Variants in DTNB observed in about 807,000 individuals in gnomAD.
DTNB encodes dystrobrevin beta.
DTNB carries 63 observed loss-of-function variants against 90.7 expected under a neutral mutation model. The observed-to-expected ratio is 0.69, with a 90% confidence interval of 0.57 to 0.86. The LOEUF is 0.86. Among genes scored for constraint, DTNB ranks in the 40% least tolerant of loss-of-function variants. The pLI is 0.00. For missense variants in DTNB, 744 were observed against 807.1 expected (o/e 0.92, Z 0.95); for synonymous variants, 277 against 286.7 (o/e 0.97, Z 0.34).
intron 10 of DTNB, among the ~76,000 whole-genome samples, chr2:25,473,773 A>G (rs569184043): frequency 1.2e-4 from 18 of 152,262 alleles, no homozygotes; most frequent in South Asian, 8.3e-4. Context: ...AGCCAGGGAG[A>G]AATCTGAAAA....
At chr2:25,453,111 C>T (rs989723514) in intron 11 of DTNB, among the ~76,000 whole-genome samples, 3 of 151,964 alleles carry the variant, frequency 2.0e-5, no homozygotes. Flanking sequence ...GATTGGTAGC[C>T]GAAGAAGTGG....
intron 4 of DTNB, among the ~76,000 whole-genome samples, chr2:25,616,931 C>CAAAAAAAAAA (rs70947896): frequency 1.4e-5 from 1 of 70,554 alleles, no homozygotes. Flanking sequence ...GACCCCGTCT[C>CAAAAAAAAAA]AAAAAAAAAA....
At chr2:25,651,067 C>T (rs1033885585) in intron 2 of DTNB, among the ~76,000 whole-genome samples, 2 of 152,012 alleles carry the variant, frequency 1.3e-5, no homozygotes, top group African/African-American at 4.8e-5. Context: ...AAGAAGGGAT[C>T]AGGAAATTAT....
At chr2:25,609,044 A>G (rs2067788621) in intron 4 of DTNB, among the ~76,000 whole-genome samples, 1 of 152,186 alleles carries the variant, frequency 6.6e-6, no homozygotes, top group African/African-American at 2.4e-5. Context: ...CACAAGCAGC[A>G]AGGTCTGTGG....
At chr2:25,428,579 A>G (rs909555566) in intron 14 of DTNB, among the ~76,000 whole-genome samples, 2 of 151,874 alleles carry the variant, frequency 1.3e-5, no homozygotes, top group Admixed American at 6.6e-5. Flanking sequence ...GATTACAGGC[A>G]TCGCCACCAT....
At chr2:25,462,182 T>C (rs1033665484) in intron 10 of DTNB, among the ~76,000 whole-genome samples, 2 of 152,144 alleles carry the variant, frequency 1.3e-5, no homozygotes, top group African/African-American at 4.8e-5. Flanking sequence ...TGCATTCCAG[T>C]GTGAGAACTG....
Position 25,531,524 on chromosome 2 carries a change from T to C in DTNB, c.950A>G (p.His317Arg), listed in dbSNP as rs199811406. ...LGCVPTREPP[H>R]PVFPEQPEKP... is the part of the protein sequence containing the mutation. ...CTCTGGTTGCTCAGGAAAAACAGGA[T>C]GCGGGGGTTCTCTCGTGGGTACACA... Residue 317 changes from histidine (H) to arginine (R), a missense_variant, in exon 9 of 21, where the codon CAT becomes CGT. By Grantham distance (29) the His-to-Arg change is conservative. Transcript: ENST00000406818. 1,094 of 1,613,794 alleles carry C rather than the reference T, an allele frequency of 6.8e-4. 1 individual carries two copies. Among genetic ancestry groups the C allele is most frequent in the Admixed American group, 1.1e-3 (66 of 59,994 alleles).
intron 16 of DTNB, 189 bp from the exon 17 acceptor site, chr2:25,388,550 G>T (rs1377785457): frequency 8.2e-6 from 6 of 729,350 alleles, no homozygotes; most frequent in Non-Finnish European, 1.3e-5. Context: ...AAAAAAGGAA[G>T]GGGGCGTGCA....
chr2:25,508,855 C>T (rs1477939147), intron 9 of DTNB, among the ~76,000 whole-genome samples: 1 of 152,154 alleles, frequency 6.6e-6, no homozygotes, highest in Non-Finnish European at 1.5e-5. Flanking sequence ...TTCAGCAATA[C>T]TTTGTAGTAT....
intron 1 of DTNB, among the ~76,000 whole-genome samples, chr2:25,664,632 C>T (rs1377943375): frequency 2.0e-5 from 3 of 152,186 alleles, no homozygotes; most frequent in Admixed American, 6.5e-5. Flanking sequence ...TCTTGTAACA[C>T]CCTGCCTAGA....
intron 9 of DTNB, among the ~76,000 whole-genome samples, 163 bp from the exon 10 acceptor site, chr2:25,483,036 G>C (rs955833852): frequency 6.6e-6 from 1 of 151,658 alleles, no homozygotes; most frequent in African/African-American, 2.4e-5. Context: ...GAGGCCCATG[G>C]GGAGGTGGGG....
At chr2:25,380,273 T>A (rs1302474228) in intron 19 of DTNB, among the ~76,000 whole-genome samples, 2 of 152,200 alleles carry the variant, frequency 1.3e-5, no homozygotes, top group South Asian at 4.1e-4. Flanking sequence ...CAGTTACAGA[T>A]CTCTGGTGTC....
At chr2:25,601,379 C>T (rs571885589) in intron 5 of DTNB, among the ~76,000 whole-genome samples, 17 of 152,126 alleles carry the variant, frequency 1.1e-4, no homozygotes, top group African/African-American at 3.9e-4. Context: ...AAAAAGGAAG[C>T]TTTCTCCCTT....
intron 16 of DTNB, among the ~76,000 whole-genome samples, chr2:25,416,681 A>C (rs898587953): frequency 2.6e-5 from 4 of 152,002 alleles, no homozygotes; most frequent in Non-Finnish European, 4.4e-5. Flanking sequence ...AAAGAAAAAA[A>C]TTTTCCCTAC....
intron 4 of DTNB, among the ~76,000 whole-genome samples, chr2:25,622,481 T>C (rs1173688740): frequency 6.6e-6 from 1 of 152,144 alleles, no homozygotes; most frequent in Non-Finnish European, 1.5e-5. Context: ...AATAAATATA[T>C]GTATTTATTT....
intron 16 of DTNB, among the ~76,000 whole-genome samples, chr2:25,398,593 C>T (rs1436660607): frequency 6.6e-6 from 1 of 152,166 alleles, no homozygotes; most frequent in Admixed American, 6.5e-5. Flanking sequence ...ATGAGATATA[C>T]ATCACGCAAG....
At chr2:25,588,986 C>T (rs564586915) in intron 6 of DTNB, among the ~76,000 whole-genome samples, 48 of 152,174 alleles carry the variant, frequency 3.2e-4, no homozygotes, top group Non-Finnish European at 4.9e-4. Context: ...TATAGATACA[C>T]CTGCCAGGCA....
At chr2:25,588,281 T>G (rs1028770075) in intron 6 of DTNB, among the ~76,000 whole-genome samples, 1 of 152,198 alleles carries the variant, frequency 6.6e-6, no homozygotes, top group African/African-American at 2.4e-5. Flanking sequence ...TAACATCCAG[T>G]GTATTCCCCT....
chr2:25,482,930 A>C, intron 9 of DTNB, 57 bp from the exon 10 acceptor site: 1 of 1,506,458 alleles, frequency 6.6e-7, no homozygotes, highest in Non-Finnish European at 9.0e-7. Flanking sequence ...GAAACAAGGG[A>C]AACGACGATA....
Sources: gnomAD v4.1 joint callset for allele counts (sites outside exome capture counted in the v4.1 genomes callset) on GRCh38, gnomAD v4.1.1 for gene constraint, MANE v1.5 for transcripts, NCBI Gene and HGNC (gene_info 2026-07-23, HGNC 2026-07-21) for gene names.